Variants in SULF2 observed in about 807,000 individuals in gnomAD.
The protein encoded by SULF2 is sulfatase 2, also known as extracellular sulfatase Sulf-2.
In SULF2, 52 loss-of-function variants were observed where a neutral mutation model predicts 107.7. The observed-to-expected ratio is 0.48, with a 90% confidence interval of 0.39 to 0.61. The LOEUF is 0.61. Ranked by LOEUF, SULF2 falls within the 20% of genes least tolerant of loss-of-function variation. The pLI, the probability that SULF2 is intolerant of heterozygous loss-of-function variation, is 0.00. For missense variants in SULF2, 993 were observed against 1,177.3 expected, an observed-to-expected ratio of 0.84 and a Z score of 2.29; for synonymous variants, 460 against 464.3, an observed-to-expected ratio of 0.99 and a Z score of 0.12.
In SULF2 at chr20:47,694,294, G is replaced by C. The variant is rs1375981426; in HGVS notation, c.568-3999C>G. ...AGGACAGCCACTGGGTGGATGTGGG[G>C]TGCGGGAGGGGCGGGTGACCCCCAC... On this transcript the variant is annotated intron_variant, in intron 4 of 20. Coordinates refer to ENST00000688720, the MANE Select transcript of SULF2 (RefSeq NM_001387048.1). The surrounding 1 kb of genome is among the most constrained non-coding windows in gnomAD (Gnocchi z 4.4). Among the ~76,000 whole-genome samples the C allele has an allele frequency of 2.6e-5, 4 of 152,214 alleles. No individual in the cohort carries two copies. Among genetic ancestry groups the C allele is most frequent in the African/African-American group, 9.6e-5 (4 of 41,460 alleles).
At chr20:47,661,038 G>A (rs2087048519) in intron 18 of SULF2, among the ~76,000 whole-genome samples, 1 of 152,058 alleles carries the variant, frequency 6.6e-6, no homozygotes, top group Non-Finnish European at 1.5e-5. Flanking sequence ...TCTCCACCTA[G>A]CAAATGTCGG....
intron 1 of SULF2, among the ~76,000 whole-genome samples, chr20:47,771,175 G>A (rs558371972): frequency 6.6e-6 from 1 of 152,276 alleles, no homozygotes; most frequent in South Asian, 2.1e-4. Flanking sequence ...TGTCGGGGCT[G>A]GGCGTTTGTG....
intron 2 of SULF2, among the ~76,000 whole-genome samples, chr20:47,737,250 C>T (rs1054818491): frequency 1.3e-4 from 20 of 152,310 alleles, no homozygotes; most frequent in African/African-American, 4.8e-4. Flanking sequence ...AATTGCATCT[C>T]TACCTGCAAG....
chr20:47,686,905 C>T (rs2088023160), intron 5 of SULF2, among the ~76,000 whole-genome samples: 1 of 152,168 alleles, frequency 6.6e-6, no homozygotes, highest in Non-Finnish European at 1.5e-5. Flanking sequence ...GCTGGCTCTG[C>T]TGTCTCAGGG....
chr20:47,760,351 C>T (rs576641103), intron 1 of SULF2, among the ~76,000 whole-genome samples: 6 of 152,294 alleles, frequency 3.9e-5, no homozygotes, highest in African/African-American at 9.6e-5. Context: ...ATTCTCCTCC[C>T]GCACGCAGTA....
At position 47,680,464 on chromosome 20, in the gene SULF2, CA is replaced by C. The variant is rs2087787018; in HGVS notation, c.1065-1661del. ...AGGGACTTAAGGGGTGTGCCCAGCA[CA>C]GGACCCAGGACCTGTTGAATGGTGG... On this transcript the variant is annotated intron_variant, in intron 7 of 20. Transcript: ENST00000688720. This position sits in a 1 kb window ranked among gnomAD's most constrained non-coding sequence, Gnocchi z 4.2. Among the ~76,000 whole-genome samples the C allele has an allele frequency of 6.6e-6, 1 of 152,246 alleles. No homozygotes were observed. Among genetic ancestry groups the C allele is most frequent in the African/African-American group, 2.4e-5 (1 of 41,470 alleles).
At position 47,702,606 on chromosome 20, in the gene SULF2, C is replaced by T; in HGVS notation, c.480G>A (p.Trp160Ter). The change falls in exon 4 of 21, where the codon TGG (tryptophan) becomes TGA (stop). Residue 160 changes from tryptophan (W) to a stop codon, truncating the protein, a stop_gained. Coordinates refer to ENST00000688720, the MANE Select transcript of SULF2 (RefSeq NM_001387048.1). LOFTEE classifies it high-confidence loss of function. ...AGCGGGAGTTTTTAAGGAGTCCGACCCACTCCTTCCAGCCGGGTGGCACGT... is the reference window on the plus strand; with the variant it reads ...AGCGGGAGTTTTTAAGGAGTCCGACTCACTCCTTCCAGCCGGGTGGCACGT... The part of the protein sequence containing the change: ...GSYVPPGWKE[W>*]VGLLKNSRFY... 6.2e-7 allele frequency: 1 copy of T among 1,613,766 alleles called. No homozygotes were observed. The highest frequency in any genetic ancestry group is 8.5e-7 in the Non-Finnish European group (1 of 1,179,982).
intron 3 of SULF2, among the ~76,000 whole-genome samples, chr20:47,720,684 G>C (rs1224402733): frequency 6.6e-6 from 1 of 151,300 alleles, no homozygotes; most frequent in Non-Finnish European, 1.5e-5. Flanking sequence ...CTGCCATTTT[G>C]CAAGATCCAT....
intron 8 of SULF2, 36 bp from the exon 9 acceptor site, chr20:47,677,170 T>C (rs1356638474): frequency 6.2e-7 from 1 of 1,612,256 alleles, no homozygotes; most frequent in East Asian, 2.2e-5. Flanking sequence ...CTCAGCAACA[T>C]GAGGGCTTCC....
At chr20:47,662,014 T>G (rs1602575739) in intron 17 of SULF2, 118 bp from the exon 18 acceptor site, 1 of 1,124,978 alleles carries the variant, frequency 8.9e-7, no homozygotes, top group Non-Finnish European at 1.2e-6. Context: ...TAGGGGCTGG[T>G]GACCTGTTTA....
Position 47,662,034 on chromosome 20 carries a change from C to T in SULF2, c.2371-138G>A, listed in dbSNP as rs138379890. 560 of 879,900 alleles carry T rather than the reference C, an allele frequency of 6.4e-4. 1 individual carries two copies. The highest frequency in any genetic ancestry group is 2.1e-3 in the East Asian group (70 of 33,898). 54.5% of individuals were successfully genotyped at this position (879,900 alleles called of 1,614,324 possible). On this transcript the variant is annotated intron_variant, in intron 17 of 20. Coordinates refer to ENST00000688720, the MANE Select transcript of SULF2 (RefSeq NM_001387048.1). ...GCTGGTGACCTGTTTACTCCAACTT[C>T]TGCAAGAGCCAGCGTTTGGAAGAGT...
chr20:47,678,667 C>T lies in SULF2; in HGVS notation c.1193+9G>A, dbSNP rs750867937. The T allele has an allele frequency of 2.0e-5, 33 of 1,613,428 alleles. No individual in the cohort carries two copies. The highest frequency in any genetic ancestry group is 2.5e-5 in the Non-Finnish European group (30 of 1,179,922). ...GGCCCCCTCAACACCTGCCCTGCTC[C>T]GTCCTCACCGATTCACCGGCCGCTC... On this transcript the variant is annotated intron_variant, in intron 8 of 20. Transcript: ENST00000688720. The surrounding 1 kb of genome is among the most constrained non-coding windows in gnomAD (Gnocchi z 4.5).
rs1472618135 is a variant in SULF2, at chr20:47,678,229, T to G, written c.1193+447A>C. The G allele has an allele frequency of 6.3e-6, 1 of 158,822 alleles. No homozygotes were observed. The highest frequency in any genetic ancestry group is 1.4e-5 in the Non-Finnish European group (1 of 72,102). The allele number at this position is 158,822 out of a possible 1,614,324, so 9.8% of individuals were successfully genotyped here. On this transcript the variant is annotated intron_variant, in intron 8 of 20. Coordinates refer to ENST00000688720, the MANE Select transcript of SULF2 (RefSeq NM_001387048.1). This position sits in a 1 kb window ranked among gnomAD's most constrained non-coding sequence, Gnocchi z 4.5. ...CTACATCCAGACTTGCTGGGATACC[T>G]CCGACACGTCACTCAATCGCTTTGG... is the stretch of plus-strand genomic sequence containing the variant.
At chr20:47,745,432 TATATATATATATATATATATATATAC>T (rs1483175489) in intron 2 of SULF2, among the ~76,000 whole-genome samples, 7 of 6,898 alleles carry the variant, frequency 1.0e-3, no homozygotes, top group Non-Finnish European at 1.6e-3. Flanking sequence ...TATATATATA[TATATATATATATATATATATATATAC>T]ACATACACAC....
chr20:47,673,371 G>T (rs1174220159), intron 10 of SULF2, among the ~76,000 whole-genome samples: 1 of 152,198 alleles, frequency 6.6e-6, no homozygotes, highest in Admixed American at 6.5e-5. Context: ...TACGAGGCAG[G>T]TGCTGTCATT....
At chr20:47,660,626 G>C (rs1251799029) in intron 18 of SULF2, among the ~76,000 whole-genome samples, 1 of 151,240 alleles carries the variant, frequency 6.6e-6, no homozygotes, top group Non-Finnish European at 1.5e-5. Flanking sequence ...TTTATTTTTA[G>C]AGATGGGGCG....
chr20:47,747,012 T>C (rs1297866193), intron 2 of SULF2, among the ~76,000 whole-genome samples: 1,207 of 100,604 alleles, frequency 0.012, 14 homozygotes, highest in African/African-American at 0.036. Context: ...TATATATATA[T>C]ATATATACAC....
intron 3 of SULF2, among the ~76,000 whole-genome samples, chr20:47,715,657 C>G (rs777538983): frequency 6.6e-6 from 1 of 151,234 alleles, no homozygotes; most frequent in Non-Finnish European, 1.5e-5. Context: ...TCTCGGCTCA[C>G]TGCAACCTCT....
chr20:47,698,817 A>G (rs2146581064), intron 4 of SULF2, among the ~76,000 whole-genome samples: 1 of 152,210 alleles, frequency 6.6e-6, no homozygotes, highest in South Asian at 2.1e-4. Context: ...GGATCACCTG[A>G]GATTGGGAGT....
Sources: gnomAD v4.1 joint callset for allele counts (sites outside exome capture counted in the v4.1 genomes callset) on GRCh38, gnomAD v4.1.1 for gene constraint, Gnocchi (gnomAD v3.1) non-coding constraint, MANE v1.5 for transcripts, NCBI Gene and HGNC (gene_info 2026-07-23, HGNC 2026-07-21) for gene names.